ZNF483: variants seen among roughly 807,000 people sequenced by gnomAD.
ZNF483 encodes zinc finger protein HIT-10.
In ZNF483, 9 loss-of-function variants were observed where a neutral mutation model predicts 28.6. That is an observed-to-expected ratio of 0.32 (90% CI 0.19 to 0.55). ZNF483 has a LOEUF of 0.55. Ranked by LOEUF, ZNF483 falls within the 20% of genes least tolerant of loss-of-function variation. The pLI, the probability that ZNF483 is intolerant of heterozygous loss-of-function variation, is 0.93. For missense variants in ZNF483, 675 were observed against 871.7 expected, an observed-to-expected ratio of 0.77 and a Z score of 2.84; for synonymous variants, 322 against 306.2, an observed-to-expected ratio of 1.05 and a Z score of -0.54.
chr9:111,557,789 C>T (rs181346004), downstream of ZNF483, among the ~76,000 whole-genome samples: 1,207 of 152,280 alleles, frequency 7.9e-3, 7 homozygotes, highest in Non-Finnish European at 0.013. Context: ...TGGTAGGCTT[C>T]TTCACTTTAA....
In ZNF483 at chr9:111,542,492, A is replaced by G. The variant is rs761550379; in HGVS notation, c.1557A>G (p.Gly519=). The stretch of plus-strand genomic sequence containing the variant: ...TTAAACATCAGAGAATTCATACTGG[A>G]GAAAAACCTTATAAATGTAAAGACT... ...HLIKHQRIHT[G]EKPYKCKDCG... is the part of the protein sequence containing the mutation. Residue 519 remains glycine, a synonymous_variant, in exon 6 of 6, where the codon GGA becomes GGG. Coordinates refer to ENST00000309235, the MANE Select transcript of ZNF483 (RefSeq NM_133464.5). This position sits in a 1 kb window ranked among gnomAD's most constrained non-coding sequence, Gnocchi z 6.2. 6.2e-7 allele frequency: 1 copy of G among 1,614,160 alleles called. No homozygotes were observed. The highest frequency in any genetic ancestry group is 1.1e-5 in the South Asian group (1 of 91,082).
At chr9:111,535,239 G>GTGA (rs1484567122) in intron 5 of ZNF483, among the ~76,000 whole-genome samples, 1 of 152,264 alleles carries the variant, frequency 6.6e-6, no homozygotes, top group Non-Finnish European at 1.5e-5. Context: ...AGGGGGAGGT[G>GTGA]TGAGTGGTGC....
chr9:111,548,816 AG>A lies in ZNF483; in HGVS notation c.*5647del, dbSNP rs1038281289. Among the ~76,000 whole-genome samples, 17 of 70,338 alleles carry A rather than the reference AG, an allele frequency of 2.4e-4. No individual in the cohort carries two copies. The highest frequency in any genetic ancestry group is 2.1e-3 in the African/African-American group (16 of 7,780). 46.1% of individuals were successfully genotyped at this position (70,338 alleles called of 152,430 possible). On this transcript the variant is annotated 3_prime_UTR_variant, in exon 6 of 6. Transcript: ENST00000309235. ...GCTGTATATAGAATTCTCAGTTGAC[AG>A]TTTTTTTTTTTTTCTTTCTGCATTA... is the stretch of plus-strand genomic sequence containing the variant.
At chr9:111,573,309 T>C (rs545631543) in intron 5 of ZNF483, among the ~76,000 whole-genome samples, 10 of 152,288 alleles carry the variant, frequency 6.6e-5, no homozygotes, top group African/African-American at 2.2e-4. Flanking sequence ...ACAATAAGAT[T>C]GCCAAGTAAA....
chr9:111,574,649 C>A, intron 5 of ZNF483: 1 of 774,542 alleles, frequency 1.3e-6, no homozygotes, highest in Non-Finnish European at 2.0e-6. Flanking sequence ...CTAATAATTT[C>A]AGAGTCACTG....
At position 111,552,454 on chromosome 9, in the gene ZNF483, A is replaced by ATT; in HGVS notation, c.*9284_*9285insTT. Among the ~76,000 whole-genome samples, 1 of 152,254 alleles carries ATT rather than the reference A, an allele frequency of 6.6e-6. No homozygotes were observed. Among genetic ancestry groups the ATT allele is most frequent in the East Asian group, 1.9e-4 (1 of 5,206 alleles). ...ATGCAATAGAATAGAGCAATGAGGG[A>ATT]AAAGTTATCCTCTTGCTTTAAAATT... is the stretch of plus-strand genomic sequence containing the variant. On this transcript the variant is annotated 3_prime_UTR_variant, in exon 6 of 6. Coordinates refer to ENST00000309235, the MANE Select transcript of ZNF483 (RefSeq NM_133464.5).
In ZNF483 at chr9:111,550,030, T is replaced by C. The variant is rs1477442910; in HGVS notation, c.*6860T>C. ...ACTCTGGAAATAAGATTATTCCTTT[T>C]TCCCCAGGGTTTATTTTTTGTTGTT... is the stretch of plus-strand genomic sequence containing the variant. On this transcript the variant is annotated 3_prime_UTR_variant, in exon 6 of 6. Coordinates refer to ENST00000309235, the MANE Select transcript of ZNF483 (RefSeq NM_133464.5). 6.6e-6 allele frequency among the ~76,000 whole-genome samples: 1 copy of C among 152,208 alleles called. No homozygotes were observed. The highest frequency in any genetic ancestry group is 1.5e-5 in the Non-Finnish European group (1 of 68,032).
At position 111,547,098 on chromosome 9, in the gene ZNF483, TTTAAG is replaced by T; in HGVS notation, c.*3931_*3935del. 6.6e-6 allele frequency among the ~76,000 whole-genome samples: 1 copy of T among 152,286 alleles called. No homozygotes were observed. The highest frequency in any genetic ancestry group is 1.9e-4 in the East Asian group (1 of 5,188). On this transcript the variant is annotated 3_prime_UTR_variant, in exon 6 of 6. Transcript: ENST00000309235. Reference sequence around the variant, plus strand: ...TTATCCTTTTATCTGCCAGTGAACATTTAAGTTGTTTGCACCATTTTGGCTATCAA... The same window carrying T: ...TTATCCTTTTATCTGCCAGTGAACATTTGTTTGCACCATTTTGGCTATCAA...
chr9:111,530,804 T>C (rs1213273787), intron 2 of ZNF483, 71 bp from the exon 3 acceptor site: 8 of 133,476 alleles, frequency 6.0e-5, no homozygotes, highest in South Asian at 3.9e-4. Context: ...TATATATACA[T>C]ATATATATAT....
chr9:111,536,856 A>T (rs1827517678), intron 5 of ZNF483, among the ~76,000 whole-genome samples: 1 of 152,216 alleles, frequency 6.6e-6, no homozygotes, highest in East Asian at 1.9e-4. Flanking sequence ...TATTCTAGTA[A>T]GCTAGAGAAA....
intron 5 of ZNF483, among the ~76,000 whole-genome samples, chr9:111,561,350 A>T (rs890205818): frequency 6.6e-6 from 1 of 151,906 alleles, no homozygotes. Context: ...GTCACAGGTC[A>T]CTGCAACCTC....
rs761614724 is a variant in ZNF483 at position 111,549,765 on chromosome 9, T to C, written c.*6595T>C. On this transcript the variant is annotated 3_prime_UTR_variant, in exon 6 of 6. Coordinates refer to ENST00000309235, the MANE Select transcript of ZNF483 (RefSeq NM_133464.5). Reference sequence around the variant, plus strand: ...TACATATTCCCTTCATTTTTCTGCTTTGAAGCTTCAATCTTCTTCATTTTC... The same window carrying C: ...TACATATTCCCTTCATTTTTCTGCTCTGAAGCTTCAATCTTCTTCATTTTC... 16 of 1,550,390 alleles carry C rather than the reference T, an allele frequency of 1.0e-5. 1 individual carries two copies. In the South Asian group the frequency reaches 1.5e-4, roughly 15 times the overall value.
At position 111,544,147 on chromosome 9, in the gene ZNF483, A is replaced by C; in HGVS notation, c.*977A>C. 1.0e-6 allele frequency: 1 copy of C among 985,474 alleles called. No individual in the cohort carries two copies. The highest frequency in any genetic ancestry group is 1.2e-6 in the Non-Finnish European group (1 of 829,978). 61.0% of individuals were successfully genotyped at this position (985,474 alleles called of 1,614,324 possible). ...CTGAGCCATCTCAGCCGTGAGAGTA[A>C]CAGTCCTAGGAAAATAGATGGGGGC... On this transcript the variant is annotated 3_prime_UTR_variant, in exon 6 of 6. Coordinates refer to ENST00000309235, the MANE Select transcript of ZNF483 (RefSeq NM_133464.5).
At chr9:111,529,520 T>C (rs895876263) in intron 2 of ZNF483, among the ~76,000 whole-genome samples, 1 of 152,260 alleles carries the variant, frequency 6.6e-6, no homozygotes, top group African/African-American at 2.4e-5. Context: ...GAGACTAACC[T>C]GGTGCTTTCA....
Position 111,551,565 on chromosome 9 carries a change from GC to G in ZNF483, c.*8397del, listed in dbSNP as rs1827956019. The stretch of plus-strand genomic sequence containing the variant: ...TGAGATTACTGGTGCACACTGCCAC[GC>G]CTGGCTAATTATTTTAGTAGAGGCG... On this transcript the variant is annotated 3_prime_UTR_variant, in exon 6 of 6. Transcript: ENST00000309235. Among the ~76,000 whole-genome samples the G allele has an allele frequency of 1.3e-5, 2 of 151,658 alleles. No individual in the cohort carries two copies. Among genetic ancestry groups the G allele is most frequent in the South Asian group, 4.2e-4 (2 of 4,810 alleles).
At chr9:111,538,674 T>A (rs971749005) in intron 5 of ZNF483, among the ~76,000 whole-genome samples, 3 of 152,102 alleles carry the variant, frequency 2.0e-5, no homozygotes, top group African/African-American at 4.8e-5. Flanking sequence ...AGCACTGGTA[T>A]AAATATATGT....
chr9:111,571,446 CAT>C lies in ZNF483; in HGVS notation c.722-4918_722-4917del, dbSNP rs1022531062. ...AGAAGTAAACAAACAAAAGAATAAA[CAT>C]GTGGGTGTTTTTGTGTCTGTGTGTT... On this transcript the variant is annotated intron_variant, in intron 5 of 5. Coordinates refer to the ZNF483 transcript ENST00000358151. Among the ~76,000 whole-genome samples the C allele has an allele frequency of 4.7e-5, 7 of 149,262 alleles. 1 individual carries two copies. The highest frequency in any genetic ancestry group is 7.3e-5 in the African/African-American group (3 of 41,358).
rs557224686 is a variant in ZNF483 at position 111,563,566 on chromosome 9, C to T, written c.722-12799C>T. 1.0e-4 allele frequency: 17 copies of T among 167,698 alleles called. No homozygotes were observed. In the East Asian group the frequency reaches 1.7e-3, roughly 16 times the overall value. 10.4% of individuals were successfully genotyped at this position (167,698 alleles called of 1,614,324 possible). On this transcript the variant is annotated intron_variant, in intron 5 of 5. Coordinates refer to the ZNF483 transcript ENST00000358151. ...TGTTGCCCAGGCTGGAGTGCAGTGC[C>T]GCGATCTTGGCTCACTGCAAGCTCC...
At position 111,542,775 on chromosome 9, in the gene ZNF483, A is replaced by G. The variant is rs1038085710; in HGVS notation, c.1840A>G (p.Met614Val). Residue 614 changes from methionine (M) to valine (V), a missense_variant, in exon 6 of 6, where the codon ATG (methionine) becomes GTG (valine). Physicochemically the swap from Met to Val is conservative, Grantham distance 21. Around this residue, in one of 6 missense-constraint regions of ZNF483, gnomAD observed 47 missense variants for 93.5 expected, o/e 0.50. Coordinates refer to ENST00000309235, the MANE Select transcript of ZNF483 (RefSeq NM_133464.5). The surrounding 1 kb of genome is among the most constrained non-coding windows in gnomAD (Gnocchi z 6.2). ...EKPYLCNDCG[M>V]TFSHFTSVIY... ...ACCATATTTGTGTAATGATTGCGGA[A>G]TGACTTTTAGCCATTTTACGTCTGT... is the stretch of plus-strand genomic sequence containing the variant. 6.2e-7 allele frequency: 1 copy of G among 1,614,098 alleles called. No homozygotes were observed.
Sources: allele counts gnomAD v4.1 joint callset (sites outside exome capture counted in the v4.1 genomes callset), GRCh38; gene constraint gnomAD v4.1.1; regional missense constraint gnomAD v4.1.1; non-coding constraint Gnocchi (gnomAD v3.1); transcripts MANE v1.5; gene names NCBI Gene and HGNC (gene_info 2026-07-23, HGNC 2026-07-21).